Variants in CTDP1 observed in about 807,000 individuals in gnomAD.
CTDP1 encodes CTD phosphatase 1, also known as RNA polymerase II subunit A C-terminal domain phosphatase.
In CTDP1, 47 loss-of-function variants were observed where a neutral mutation model predicts 91.8. That is an observed-to-expected ratio of 0.51 (90% CI 0.41 to 0.65). The LOEUF is 0.65. Among genes scored for constraint, CTDP1 ranks in the 30% least tolerant of loss-of-function variants. CTDP1 has a pLI of 0.00. For synonymous variants in CTDP1, 656 were observed against 598.5 expected, an observed-to-expected ratio of 1.10 and a Z score of -1.40; for missense variants, 1,272 against 1,373.7, an observed-to-expected ratio of 0.93 and a Z score of 1.17.
chr18:79,725,415 A>C (rs2086426336), intron 10 of CTDP1, among the ~76,000 whole-genome samples: 1 of 152,072 alleles, frequency 6.6e-6, no homozygotes, highest in African/African-American at 2.4e-5. Flanking sequence ...CAAGGTTTAA[A>C]ATTTCATATT....
chr18:79,711,434 C>T (rs887144604), intron 6 of CTDP1, among the ~76,000 whole-genome samples: 5 of 152,096 alleles, frequency 3.3e-5, no homozygotes, highest in Non-Finnish European at 5.9e-5. Flanking sequence ...GGGAACTCAG[C>T]GACTGGACTT....
intron 12 of CTDP1, among the ~76,000 whole-genome samples, chr18:79,737,755 T>TA (rs2086695865): frequency 6.6e-6 from 1 of 152,204 alleles, no homozygotes; most frequent in Non-Finnish European, 1.5e-5. Flanking sequence ...GCGTTCAACA[T>TA]ACAGACTGCG....
intron 10 of CTDP1, among the ~76,000 whole-genome samples, chr18:79,719,886 C>T (rs188610041): frequency 7.6e-4 from 108 of 141,796 alleles, no homozygotes; most frequent in Non-Finnish European, 1.5e-3. Flanking sequence ...AGGAAGGTGT[C>T]CTGGTGATGA....
Position 79,714,765 on chromosome 18 carries a change from G to A in CTDP1, c.1305G>A (p.Val435=). The A allele has an allele frequency of 6.2e-7, 1 of 1,602,530 alleles. No homozygotes were observed. The change falls in exon 8 of 13, where the codon GTG becomes GTA. Residue 435 remains valine, a synonymous_variant. Coordinates refer to ENST00000613122, the MANE Select transcript of CTDP1 (RefSeq NM_004715.5). ...PQGSCAQGGR[V]APGQRPAQGA... ...GATCCTGTGCGCAGGGTGGCCGGGT[G>A]GCACCGGGACAGCGGCCTGCCCAGG...
At chr18:79,679,415 A>C (rs1432582103), upstream of CTDP1, 1 of 455,862 alleles carries the variant, frequency 2.2e-6, no homozygotes, top group African/African-American at 2.0e-5. Context: ...GGAGTGGAGG[A>C]GAGCGGCTCG....
At chr18:79,722,170 ATTG>A (rs1437219898) in intron 10 of CTDP1, among the ~76,000 whole-genome samples, 1 of 152,244 alleles carries the variant, frequency 6.6e-6, no homozygotes, top group Non-Finnish European at 1.5e-5. Context: ...GAAAAAAATA[ATTG>A]TTATCTGAAA....
intron 1 of CTDP1, among the ~76,000 whole-genome samples, chr18:79,689,691 G>A (rs562709161): frequency 1.3e-5 from 2 of 152,324 alleles, no homozygotes; most frequent in African/African-American, 2.4e-5. Flanking sequence ...TGAGGCAAGA[G>A]AATCACTTGA....
chr18:79,679,366 C>T (rs1193439166), upstream of CTDP1: 3 of 453,066 alleles, frequency 6.6e-6, no homozygotes, highest in Non-Finnish European at 1.3e-5. Context: ...CATGCCGGGA[C>T]CCGTAGTCCC....
At chr18:79,694,921 A>G (rs1435256456) in intron 1 of CTDP1, among the ~76,000 whole-genome samples, 2 of 152,134 alleles carry the variant, frequency 1.3e-5, no homozygotes, top group Non-Finnish European at 2.9e-5. Context: ...AGACAACTTT[A>G]TGTTATCCCC....
chr18:79,739,880 T>TCGGCGCTTG (rs1250877099), intron 12 of CTDP1, among the ~76,000 whole-genome samples: 59 of 3,568 alleles, frequency 0.017, no homozygotes, highest in East Asian at 0.077. Context: ...CGGGTGGGAC[T>TCGGCGCTTG]CTCATACCCA....
rs897789872 is a variant in CTDP1, at chr18:79,713,805, G to A, written c.1030+667G>A. 1.3e-5 allele frequency among the ~76,000 whole-genome samples: 2 copies of A among 152,190 alleles called. No individual in the cohort carries two copies. The highest frequency in any genetic ancestry group is 2.4e-5 in the African/African-American group (1 of 41,454). On this transcript the variant is annotated intron_variant, in intron 7 of 12. Coordinates refer to ENST00000613122, the MANE Select transcript of CTDP1 (RefSeq NM_004715.5). This position sits in a 1 kb window ranked among gnomAD's most constrained non-coding sequence, Gnocchi z 4.7. ...TGGAGTTGCTGACTTCCTCCAGACC[G>A]TGGCTTGGGAAACCGTGGCCATGGT... is the stretch of plus-strand genomic sequence containing the variant.
intron 11 of CTDP1, among the ~76,000 whole-genome samples, chr18:79,733,207 CGCT>C (rs1418061867): frequency 6.6e-6 from 1 of 152,038 alleles, no homozygotes; most frequent in African/African-American, 2.4e-5. Context: ...TGGATCCTCA[CGCT>C]GCGGCCTCAG....
intron 4 of CTDP1, among the ~76,000 whole-genome samples, chr18:79,704,235 T>A (rs539698105): frequency 1.5e-4 from 23 of 152,316 alleles, no homozygotes; most frequent in Admixed American, 7.2e-4. Context: ...TAGGGTCACG[T>A]CCTTATTTGG....
chr18:79,704,471 C>T (rs966582970), intron 4 of CTDP1, among the ~76,000 whole-genome samples: 9 of 151,830 alleles, frequency 5.9e-5, no homozygotes, highest in Admixed American at 2.6e-4. Context: ...TCCTCTGTCC[C>T]GTGTGGAGGG....
At chr18:79,737,247 C>G (rs537810247) in intron 12 of CTDP1, among the ~76,000 whole-genome samples, 10 of 152,334 alleles carry the variant, frequency 6.6e-5, no homozygotes, top group Admixed American at 5.9e-4. Flanking sequence ...CTTTTTGTCA[C>G]CTTTAACTTG....
intron 1 of CTDP1, among the ~76,000 whole-genome samples, chr18:79,682,622 C>A (rs3859316): frequency 0.12 from 18,942 of 152,180 alleles, 1,541 homozygotes; most frequent in Non-Finnish European, 0.19. Context: ...ATGGGTTCCA[C>A]GCCCAACACT....
In CTDP1 at chr18:79,681,805, A is replaced by G. The variant is rs561411942; in HGVS notation, c.314+1544A>G. On this transcript the variant is annotated intron_variant, in intron 1 of 12. Coordinates refer to ENST00000613122, the MANE Select transcript of CTDP1 (RefSeq NM_004715.5). ...AGGCTCATCTCTCTGCCTCCAGTCCATGGGCGGCAGGTAAATCCTTGCCTT... is the reference window on the plus strand; with the variant it reads ...AGGCTCATCTCTCTGCCTCCAGTCCGTGGGCGGCAGGTAAATCCTTGCCTT... Among the ~76,000 whole-genome samples, 8 of 152,288 alleles carry G rather than the reference A, an allele frequency of 5.3e-5. No individual in the cohort carries two copies. In the East Asian group the frequency reaches 1.5e-3, roughly 29 times the overall value.
rs750173194 is a variant in CTDP1 at position 79,717,998 on chromosome 18, A to G, written c.2399A>G (p.Gln800Arg). 20 of 1,613,222 alleles carry G rather than the reference A, an allele frequency of 1.2e-5. No homozygotes were observed. The highest frequency in any genetic ancestry group is 3.3e-4 in the Middle Eastern group (2 of 6,084). ...CCCTCCAGCTCCCTACCCATCCGCC[A>G]GGAGCCCTCTTCCTTCAGGTACGTG... ...PAPSSSLPIR[Q>R]EPSSFRAVPP... Residue 800 changes from glutamine (Q) to arginine (R), a missense_variant, in exon 10 of 13, where the codon CAG becomes CGG. Physicochemically the swap from Gln to Arg is conservative, Grantham distance 43. Transcript: ENST00000613122.
intron 1 of CTDP1, among the ~76,000 whole-genome samples, chr18:79,687,222 T>G (rs1435597404): frequency 1.5e-5 from 2 of 137,440 alleles, no homozygotes; most frequent in African/African-American, 5.7e-5. Context: ...TCCAGTTCAC[T>G]GGTGGGCATG....
Sources: allele counts gnomAD v4.1 joint callset (sites outside exome capture counted in the v4.1 genomes callset), GRCh38; gene constraint gnomAD v4.1.1; non-coding constraint Gnocchi (gnomAD v3.1); transcripts MANE v1.5; gene names NCBI Gene and HGNC (gene_info 2026-07-23, HGNC 2026-07-21).